FBN2: variants seen among roughly 807,000 people sequenced by gnomAD.
FBN2 encodes the protein fibrillin 2.
In FBN2, 105 loss-of-function variants were observed where a neutral mutation model predicts 355.6. The observed-to-expected ratio is 0.30, with a 90% CI of 0.25 to 0.35. The LOEUF is 0.35. FBN2 is among the 10% of genes least tolerant of loss of function. The pLI, the probability that FBN2 is intolerant of heterozygous loss-of-function variation, is 1.00. For missense variants in FBN2, 3,280 were observed against 3,758.7 expected (o/e 0.87, Z 3.33); for synonymous variants, 1,350 against 1,301.2 (o/e 1.04, Z -0.81).
intron 8 of FBN2, among the ~76,000 whole-genome samples, chr5:128,401,237 T>C (rs1047815002): frequency 6.6e-6 from 1 of 152,216 alleles, no homozygotes; most frequent in East Asian, 1.9e-4. Context: ...GAGTATGCAA[T>C]GATATTGAGA....
intron 48 of FBN2, among the ~76,000 whole-genome samples, chr5:128,300,536 C>G (rs1489612798): frequency 6.6e-6 from 1 of 152,210 alleles, no homozygotes; most frequent in Non-Finnish European, 1.5e-5. Flanking sequence ...TTTAAATTCA[C>G]TGAAAGTCGC....
At chr5:128,446,356 C>G in intron 7 of FBN2, 125 bp downstream of exon 7, 2 of 1,036,396 alleles carry the variant, frequency 1.9e-6, no homozygotes, top group Non-Finnish European at 1.5e-6. Context: ...AGGCTTAAAC[C>G]TATGCTTTCA....
Position 128,259,735 on chromosome 5 carries a change from T to A in FBN2, c.8459A>T (p.Glu2820Val), listed in dbSNP as rs751275520. The A allele has an allele frequency of 6.2e-7, 1 of 1,613,868 alleles. No individual in the cohort carries two copies. The highest frequency in any genetic ancestry group is 8.5e-7 in the Non-Finnish European group (1 of 1,179,944). Reference sequence around the variant, plus strand: ...GAGGGGCTGGATGGCGGGCCTTAGTTCCAGGATGTGCTCCTTAGAGCCGAG... The same window carrying A: ...GAGGGGCTGGATGGCGGGCCTTAGTACCAGGATGTGCTCCTTAGAGCCGAG... ...SHLGSKEHIL[E>V]LRPAIQPLNN... Residue 2820 changes from glutamate to valine, a missense_variant, in exon 65 of 65, where the codon GAA becomes GTA. Transcript: ENST00000262464.
At position 128,503,819 on chromosome 5, in the gene FBN2, T is replaced by C. The variant is rs545485816; in HGVS notation, c.628+15454A>G. 5.5e-4 allele frequency among the ~76,000 whole-genome samples: 83 copies of C among 152,240 alleles called. No individual in the cohort carries two copies. The South Asian group carries it at 0.017, about 31-fold the overall frequency. On this transcript the variant is annotated intron_variant, in intron 5 of 64. Coordinates refer to ENST00000262464, the MANE Select transcript of FBN2 (RefSeq NM_001999.4). Reference sequence around the variant, plus strand: ...TTTGCCCAAGTAATGAGGAACCAAATGTTAATCCCCAAGACAATGGGAAAA... The same window carrying C: ...TTTGCCCAAGTAATGAGGAACCAAACGTTAATCCCCAAGACAATGGGAAAA...
chr5:128,534,059 T>A (rs1171005233), intron 2 of FBN2, among the ~76,000 whole-genome samples: 1 of 152,174 alleles, frequency 6.6e-6, no homozygotes, highest in Non-Finnish European at 1.5e-5. Flanking sequence ...TTATAAAGCC[T>A]GTCAAACACT....
At chr5:128,361,965 C>T (rs1412455628) in intron 18 of FBN2, 117 bp from the exon 19 acceptor site, 2 of 1,029,778 alleles carry the variant, frequency 1.9e-6, no homozygotes, top group East Asian at 4.8e-5. Context: ...GTGACATAGT[C>T]TCTGTATCAC....
chr5:128,343,854 A>C (rs1751094974), intron 25 of FBN2, among the ~76,000 whole-genome samples: 1 of 152,218 alleles, frequency 6.6e-6, no homozygotes, highest in South Asian at 2.1e-4. Context: ...ATATAAAACA[A>C]ACAGCATTTT....
intron 5 of FBN2, among the ~76,000 whole-genome samples, chr5:128,470,945 C>A (rs942917084): frequency 2.0e-5 from 3 of 151,856 alleles, no homozygotes; most frequent in African/African-American, 7.2e-5. Flanking sequence ...GCTGTAACTG[C>A]AAGTCAGATA....
intron 48 of FBN2, among the ~76,000 whole-genome samples, chr5:128,292,618 CA>C (rs368774164): frequency 7.9e-5 from 12 of 151,814 alleles, no homozygotes; most frequent in African/African-American, 2.4e-4. Flanking sequence ...CCACCAACAA[CA>C]AAAAAAACAA....
At chr5:128,512,608 AGGC>A (rs951195941) in intron 5 of FBN2, among the ~76,000 whole-genome samples, 69 of 151,944 alleles carry the variant, frequency 4.5e-4, no homozygotes, top group Non-Finnish European at 4.3e-4. Flanking sequence ...TGCTAGACAC[AGGC>A]CACGGCACTT....
chr5:128,530,488 A>T, intron 3 of FBN2, 107 bp downstream of exon 3: 1 of 753,684 alleles, frequency 1.3e-6, no homozygotes, highest in South Asian at 1.5e-5. Flanking sequence ...TGTAAGGATT[A>T]ACTAAAGTAA....
chr5:128,269,454 A>AC (rs1230196592), intron 62 of FBN2, among the ~76,000 whole-genome samples: 1 of 150,008 alleles, frequency 6.7e-6, no homozygotes, highest in South Asian at 2.1e-4. Flanking sequence ...GTGAGACTCC[A>AC]CCCCAAAAAA....
At chr5:128,426,036 C>T (rs1753474095) in intron 7 of FBN2, among the ~76,000 whole-genome samples, 1 of 152,074 alleles carries the variant, frequency 6.6e-6, no homozygotes, top group Admixed American at 6.6e-5. Context: ...GAAGTCACTC[C>T]TAATGCTTTG....
At chr5:128,385,705 AG>A (rs1201920242) in intron 11 of FBN2, among the ~76,000 whole-genome samples, 2 of 152,038 alleles carry the variant, frequency 1.3e-5, no homozygotes, top group Middle Eastern at 3.4e-3. Context: ...CAACCTTACC[AG>A]CATCTACTTT....
intron 8 of FBN2, among the ~76,000 whole-genome samples, chr5:128,405,883 C>T (rs1752914039): frequency 2.0e-5 from 3 of 152,256 alleles, no homozygotes; most frequent in Admixed American, 2.0e-4. Context: ...CATATTTCTT[C>T]TAGCAATATT....
chr5:128,459,358 A>G (rs1486301013), intron 6 of FBN2, among the ~76,000 whole-genome samples: 1 of 152,214 alleles, frequency 6.6e-6, no homozygotes, highest in Non-Finnish European at 1.5e-5. Flanking sequence ...TCACAGCTGA[A>G]TTCTACAAGA....
intron 37 of FBN2, 126 bp from the exon 38 acceptor site, chr5:128,312,079 G>A: frequency 1.5e-6 from 1 of 687,070 alleles, no homozygotes; most frequent in Admixed American, 2.1e-5. Context: ...ATTTTTCTTA[G>A]TGCCCTTTCA....
chr5:128,289,136 G>A lies in FBN2; in HGVS notation c.6628C>T (p.Arg2210Cys), dbSNP rs200158069. 5.7e-5 allele frequency: 92 copies of A among 1,613,706 alleles called. No homozygotes were observed. The highest frequency in any genetic ancestry group is 6.7e-5 in the Non-Finnish European group (79 of 1,179,742). Reference sequence around the variant, plus strand: ...TGGAGCCAACACTCACCCACACAGCGTACTCCAGTGTAGTCAAGGTTGTAG... The same window carrying A: ...TGGAGCCAACACTCACCCACACAGCATACTCCAGTGTAGTCAAGGTTGTAG... ...MGYNLDYTGVRCVDTDECSIG... is the reference protein window; with the variant it reads ...MGYNLDYTGVCCVDTDECSIG... The change falls in exon 52 of 65, where the codon CGC (arginine) becomes TGC (cysteine). Residue 2210 changes from arginine to cysteine, a missense_variant. Physicochemically the swap from Arg to Cys is radical, Grantham distance 180. Coordinates refer to ENST00000262464, the MANE Select transcript of FBN2 (RefSeq NM_001999.4).
At chr5:128,500,024 A>C (rs1755762618) in intron 5 of FBN2, among the ~76,000 whole-genome samples, 1 of 152,156 alleles carries the variant, frequency 6.6e-6, no homozygotes. Flanking sequence ...TATGCACTTA[A>C]TAAAGTGCAA....
Sources: gnomAD v4.1 joint callset for allele counts (sites outside exome capture counted in the v4.1 genomes callset) on GRCh38, gnomAD v4.1.1 for gene constraint, MANE v1.5 for transcripts, NCBI Gene and HGNC (gene_info 2026-07-23, HGNC 2026-07-21) for gene names.